ZNF687: variants seen among roughly 807,000 people sequenced by gnomAD.
ZNF687 encodes the protein zinc finger protein 687.
A neutral mutation model predicts 71.8 loss-of-function variants in ZNF687; 13 were observed. That is an observed-to-expected ratio of 0.18 (90% confidence interval 0.12 to 0.29). ZNF687 has a LOEUF of 0.29. Ranked by LOEUF, ZNF687 falls within the 10% of genes least tolerant of loss-of-function variation. The probability of loss-of-function intolerance (pLI) is 1.00; values close to 1 mark genes in which losing one functional copy is unlikely to be tolerated. For synonymous variants in ZNF687, 673 were observed against 641.6 expected, an observed-to-expected ratio of 1.05 and a Z score of -0.74; for missense variants, 1,412 against 1,625.6, an observed-to-expected ratio of 0.87 and a Z score of 2.26.
chr1:151,285,196 G>A (rs1693889814), intron 1 of ZNF687: 1 of 152,196 alleles, frequency 6.6e-6, no homozygotes, highest in Non-Finnish European at 1.5e-5. Context: ...TTGTCCCTTT[G>A]TACATGCAGC....
At chr1:151,283,086 G>A (rs749667344) in intron 1 of ZNF687, 5 of 985,402 alleles carry the variant, frequency 5.1e-6, no homozygotes, top group South Asian at 4.7e-5. Context: ...GCTGAGGCCC[G>A]GCCTTCGCTT....
rs1693994692 is a variant in ZNF687, at chr1:151,287,297, A to G, written c.1006A>G (p.Lys336Glu). The stretch of plus-strand genomic sequence containing the variant: ...TCTTAAGGTGCGGATCAAGACCATT[A>G]AAACATCCTGCGGGAATATCACAAG... Reference protein sequence around the residue: ...RPLKVRIKTIKTSCGNITRTV... With the variant: ...RPLKVRIKTIETSCGNITRTV... The change falls in exon 2 of 9, where the codon AAA becomes GAA. Residue 336 changes from lysine to glutamate, a missense_variant. Physicochemically the swap from Lys to Glu is moderately conservative, Grantham distance 56. Coordinates refer to ENST00000336715, the MANE Select transcript of ZNF687 (RefSeq NM_020832.3). The surrounding 1 kb of genome is among the most constrained non-coding windows in gnomAD (Gnocchi z 5.0). 6.2e-7 allele frequency: 1 copy of G among 1,614,184 alleles called. No individual in the cohort carries two copies. The highest frequency in any genetic ancestry group is 2.2e-5 in the East Asian group (1 of 44,886).
In ZNF687 at chr1:151,290,237, A is replaced by G. The variant is rs201727550; in HGVS notation, c.3077+3A>G. 9.7e-5 allele frequency: 156 copies of G among 1,613,816 alleles called. No homozygotes were observed. The African/African-American group carries it at 1.9e-3, about 20-fold the overall frequency. Reference sequence around the variant, plus strand: ...ATCAAGCGAGTTTACCCCTGCAGGTAAGTCTTGCTCCCCGCTTCCTCTTCC... The same window carrying G: ...ATCAAGCGAGTTTACCCCTGCAGGTGAGTCTTGCTCCCCGCTTCCTCTTCC... On this transcript the variant is annotated splice_donor_region_variant and intron_variant, in intron 7 of 8. Transcript: ENST00000336715.
rs1445065742 is a variant in ZNF687, at chr1:151,290,829, C to G, written c.3334C>G (p.Leu1112Val). The change falls in exon 9 of 9, where the codon CTG becomes GTG. Residue 1112 changes from leucine to valine, a missense_variant. Leu to Val is a conservative substitution (Grantham distance 32). This residue lies in a region of ZNF687 where 284 missense variants were observed against 359.2 expected (regional missense o/e 0.79). Coordinates refer to ENST00000336715, the MANE Select transcript of ZNF687 (RefSeq NM_020832.3). ...ACCTGGATCTGGAGGCCATGGCCCT[C>G]TGCGCTACCGGAGCAGCAGCTCCAC... The part of the protein sequence containing the change: ...GGPGSGGHGP[L>V]RYRSSSSTEQ... 1.9e-6 allele frequency: 3 copies of G among 1,613,996 alleles called. No homozygotes were observed. In the Admixed American group the frequency reaches 5.0e-5, roughly 27 times the overall value.
chr1:151,286,856 G>T lies in ZNF687; in HGVS notation c.565G>T (p.Ala189Ser). The change falls in exon 2 of 9, where the codon GCT (alanine) becomes TCT (serine). Residue 189 changes from alanine (A) to serine (S), a missense_variant. Transcript: ENST00000336715. ...TGCACCCTCTCCCACTCGGGAGGGG[G>T]CTCTGACCCCGCCTCCTTTCCCCTC... ...PSAPSPTREG[A>S]LTPPPFPSSF... 6.2e-7 allele frequency: 1 copy of T among 1,613,720 alleles called. No homozygotes were observed. Among genetic ancestry groups the T allele is most frequent in the Non-Finnish European group, 8.5e-7 (1 of 1,179,726 alleles).
Position 151,290,488 on chromosome 1 carries a change from T to C in ZNF687, c.3134T>C (p.Val1045Ala). Reference protein sequence around the residue: ...FSSRLILEKHVQVRHGLQLGA... With the variant: ...FSSRLILEKHAQVRHGLQLGA... ...AGCCGCCTGATCCTAGAGAAACATGTCCAGGTCCGGCACGGCTTGCAGCTT... is the reference window on the plus strand; with the variant it reads ...AGCCGCCTGATCCTAGAGAAACATGCCCAGGTCCGGCACGGCTTGCAGCTT... The change falls in exon 8 of 9, where the codon GTC becomes GCC. Residue 1045 changes from valine to alanine, a missense_variant. Transcript: ENST00000336715. 1 of 1,613,972 alleles carries C rather than the reference T, an allele frequency of 6.2e-7. No individual in the cohort carries two copies. Among genetic ancestry groups the C allele is most frequent in the Non-Finnish European group, 8.5e-7 (1 of 1,179,996 alleles).
rs1260035903 is a variant in ZNF687, at chr1:151,291,365, A to G, written c.*156A>G. On this transcript the variant is annotated 3_prime_UTR_variant, in exon 9 of 9. Transcript: ENST00000336715. The stretch of plus-strand genomic sequence containing the variant: ...AAGAAGAGCATTTGAGGATTATTCT[A>G]GTTATTTGCAACCTCCCTTTGGGTT... 1 of 1,076,702 alleles carries G rather than the reference A, an allele frequency of 9.3e-7. No individual in the cohort carries two copies. The highest frequency in any genetic ancestry group is 1.3e-6 in the Non-Finnish European group (1 of 775,050). The allele number at this position is 1,076,702 out of a possible 1,614,324, so 66.7% of individuals were successfully genotyped here. A position where few individuals can be genotyped will look rare whatever the true frequency, so the allele number is the denominator to read the frequency against.
chr1:151,282,790 A>G (rs1243111303), intron 1 of ZNF687, among the ~76,000 whole-genome samples: 1 of 152,036 alleles, frequency 6.6e-6, no homozygotes, highest in African/African-American at 2.4e-5. Flanking sequence ...GGTGCGGGTC[A>G]GCGTCCGGGC....
rs753727185 is a variant in ZNF687 at position 151,286,346 on chromosome 1, C to T, written c.55C>T (p.Pro19Ser). 1.2e-6 allele frequency: 2 copies of T among 1,600,824 alleles called. No individual in the cohort carries two copies. Among genetic ancestry groups the T allele is most frequent in the Non-Finnish European group, 1.7e-6 (2 of 1,175,906 alleles). Residue 19 changes from proline (P) to serine (S), a missense_variant, in exon 2 of 9, where the codon CCT (proline) becomes TCT (serine). By Grantham distance (74) the Pro-to-Ser change is moderately conservative. Coordinates refer to ENST00000336715, the MANE Select transcript of ZNF687 (RefSeq NM_020832.3). Reference sequence around the variant, plus strand: ...TGACCTCCTTGCTGCCTTTGACATCCCTGACATTGATGCGAATGAAGCCAT... The same window carrying T: ...TGACCTCCTTGCTGCCTTTGACATCTCTGACATTGATGCGAATGAAGCCAT... ...FDDLLAAFDI[P>S]DIDANEAIHS...
intron 8 of ZNF687, 59 bp from the exon 9 acceptor site, chr1:151,290,656 G>C: frequency 6.3e-7 from 1 of 1,578,582 alleles, no homozygotes; most frequent in Non-Finnish European, 8.6e-7. Flanking sequence ...AAGCGAGCAT[G>C]GGGGTGCCAG....
rs1365061039 is a variant in ZNF687, at chr1:151,291,209, G to A, written c.3714G>A (p.Ter1238=). The part of the protein sequence containing the change: ...RARQGAVGDN[*] Reference sequence around the variant, plus strand: ...GGCAGGGGGCTGTTGGGGACAACTAGTCTCCAAGGCCTGGGACTGACCAGC... The same window carrying A: ...GGCAGGGGGCTGTTGGGGACAACTAATCTCCAAGGCCTGGGACTGACCAGC... Residue 1238 remains the stop codon, a stop_retained_variant, in exon 9 of 9, where the codon TAG becomes TAA. Transcript: ENST00000336715. The A allele has an allele frequency of 6.3e-7, 1 of 1,589,792 alleles. No homozygotes were observed. Among genetic ancestry groups the A allele is most frequent in the Admixed American group, 1.7e-5 (1 of 59,556 alleles).
Position 151,290,516 on chromosome 1 carries a change from G to A in ZNF687, c.3162G>A (p.Gly1054=), listed in dbSNP as rs946099325. ...AGGTCCGGCACGGCTTGCAGCTTGGGGCCCAGTCCCCTGGCCGGGGGACCA... is the reference window on the plus strand; with the variant it reads ...AGGTCCGGCACGGCTTGCAGCTTGGAGCCCAGTCCCCTGGCCGGGGGACCA... ...HVQVRHGLQL[G]AQSPGRGTTL... Residue 1054 remains glycine (G), a synonymous_variant, in exon 8 of 9, where the codon GGG becomes GGA. Coordinates refer to ENST00000336715, the MANE Select transcript of ZNF687 (RefSeq NM_020832.3). 1.9e-6 allele frequency: 3 copies of A among 1,613,896 alleles called. No individual in the cohort carries two copies. Among genetic ancestry groups the A allele is most frequent in the Admixed American group, 3.3e-5 (2 of 60,020 alleles).
intron 5 of ZNF687, 64 bp downstream of exon 5, chr1:151,289,604 A>G: frequency 1.2e-6 from 2 of 1,608,324 alleles, no homozygotes; most frequent in Non-Finnish European, 1.7e-6. Context: ...GGGGCCACAT[A>G]CTTCAGAAGT....
rs745590215 is a variant in ZNF687, at chr1:151,287,410, G to A, written c.1119G>A (p.Leu373=). Reference sequence around the variant, plus strand: ...TGGCTGAGGCTAGCCTCTTGAAGCTGTCCCCTGCAACACCTACTTCTGAGG... The same window carrying A: ...TGGCTGAGGCTAGCCTCTTGAAGCTATCCCCTGCAACACCTACTTCTGAGG... ...AFLAEASLLK[L]SPATPTSEGP... is the part of the protein sequence containing the mutation. The change falls in exon 2 of 9, where the codon CTG becomes CTA. Residue 373 remains leucine, a synonymous_variant. Transcript: ENST00000336715. The surrounding 1 kb of genome is among the most constrained non-coding windows in gnomAD (Gnocchi z 5.0). 16 of 1,614,200 alleles carry A rather than the reference G, an allele frequency of 9.9e-6. No individual in the cohort carries two copies. Among genetic ancestry groups the A allele is most frequent in the Non-Finnish European group, 1.4e-5 (16 of 1,180,044 alleles).
In ZNF687 at chr1:151,287,335, G is replaced by A; in HGVS notation, c.1044G>A (p.Gln348=). The A allele has an allele frequency of 6.2e-7, 1 of 1,614,198 alleles. No individual in the cohort carries two copies. Among genetic ancestry groups the A allele is most frequent in the South Asian group, 1.1e-5 (1 of 91,090 alleles). ...SCGNITRTVT[Q]VPSDPDPPAP... Reference sequence around the variant, plus strand: ...GGAATATCACAAGGACTGTAACTCAGGTCCCCTCAGATCCTGATCCACCTG... The same window carrying A: ...GGAATATCACAAGGACTGTAACTCAAGTCCCCTCAGATCCTGATCCACCTG... Residue 348 remains glutamine (Q), a synonymous_variant, in exon 2 of 9, where the codon CAG becomes CAA. Coordinates refer to ENST00000336715, the MANE Select transcript of ZNF687 (RefSeq NM_020832.3). This position sits in a 1 kb window ranked among gnomAD's most constrained non-coding sequence, Gnocchi z 5.0.
At chr1:151,284,220 G>T (rs937408501) in intron 1 of ZNF687, 1 of 985,304 alleles carries the variant, frequency 1.0e-6, no homozygotes, top group Non-Finnish European at 1.2e-6. Flanking sequence ...TGAGGGTTGA[G>T]GGAGCCTGGC....
intron 1 of ZNF687, chr1:151,285,356 G>C (rs1693900705): frequency 6.6e-6 from 1 of 152,070 alleles, no homozygotes; most frequent in South Asian, 2.1e-4. Context: ...GGGACCGGAG[G>C]GGATGAGATG....
chr1:151,286,706 C>A lies in ZNF687; in HGVS notation c.415C>A (p.His139Asn). The change falls in exon 2 of 9, where the codon CAC (histidine) becomes AAC (asparagine). Residue 139 changes from histidine (H) to asparagine (N), a missense_variant. His to Asn is a moderately conservative substitution (Grantham distance 68). This residue lies in a region of ZNF687 where 490 missense variants were observed against 489.9 expected (regional missense o/e 1.00). Coordinates refer to ENST00000336715, the MANE Select transcript of ZNF687 (RefSeq NM_020832.3). ...TGAACCTTCCCTCCCAGGAACTCCCCACTCTCCTGCTCCTCCCAGTGGGGG... is the reference window on the plus strand; with the variant it reads ...TGAACCTTCCCTCCCAGGAACTCCCAACTCTCCTGCTCCTCCCAGTGGGGG... ...SPEPSLPGTP[H>N]SPAPPSGGTW... The A allele has an allele frequency of 6.2e-7, 1 of 1,614,202 alleles. No homozygotes were observed. The highest frequency in any genetic ancestry group is 8.5e-7 in the Non-Finnish European group (1 of 1,180,026).
Position 151,290,756 on chromosome 1 carries a change from T to C in ZNF687, c.3261T>C (p.Ser1087=), listed in dbSNP as rs1419842203. 6 of 1,612,430 alleles carry C rather than the reference T, an allele frequency of 3.7e-6. No individual in the cohort carries two copies. The highest frequency in any genetic ancestry group is 2.2e-5 in the South Asian group (2 of 90,946). The change falls in exon 9 of 9, where the codon AGT becomes AGC. Residue 1087 remains serine, a synonymous_variant. Coordinates refer to ENST00000336715, the MANE Select transcript of ZNF687 (RefSeq NM_020832.3). ...GCCGCCAGTCTTCTGACTCTTGCAG[T>C]GAGGAGCCTGACAGCACGACACCGC... ...RKRRQSSDSC[S]EEPDSTTPPA... is the part of the protein sequence containing the mutation.
Sources: gnomAD v4.1 joint callset for allele counts (sites outside exome capture counted in the v4.1 genomes callset) on GRCh38, gnomAD v4.1.1 for gene constraint, gnomAD v4.1.1 regional missense constraint, Gnocchi (gnomAD v3.1) non-coding constraint, MANE v1.5 for transcripts, NCBI Gene and HGNC (gene_info 2026-07-23, HGNC 2026-07-21) for gene names.